The following RGL1 variants were observed in gnomAD, a reference collection of about 807,000 sequenced individuals.
RGL1 encodes ral guanine nucleotide dissociation stimulator-like 1.
A neutral mutation model predicts 95.2 loss-of-function variants in RGL1; 24 were observed. That is an observed-to-expected ratio of 0.25 (90% CI 0.18 to 0.35). RGL1 has a LOEUF of 0.35. RGL1 is among the 10% of genes least tolerant of loss of function. The pLI, the probability that RGL1 is intolerant of heterozygous loss-of-function variation, is 1.00. For synonymous variants in RGL1, 329 were observed against 344.9 expected (o/e 0.95, Z 0.51); for missense variants, 715 against 936.3 (o/e 0.76, Z 3.08).
chr1:183,772,731 C>T (rs933897518), intron 2 of RGL1, among the ~76,000 whole-genome samples: 1 of 152,032 alleles, frequency 6.6e-6, no homozygotes, highest in Admixed American at 6.5e-5. Flanking sequence ...CACTCTGGGC[C>T]GGGCGCGGTG....
chr1:183,838,322 C>T (rs1377128864), intron 2 of RGL1, among the ~76,000 whole-genome samples: 2 of 152,152 alleles, frequency 1.3e-5, no homozygotes, highest in Admixed American at 1.3e-4. Context: ...ACACAGCTTC[C>T]TGTTTCCTTC....
chr1:183,891,992 C>T, intron 8 of RGL1, 85 bp from the exon 9 acceptor site: 1 of 960,120 alleles, frequency 1.0e-6, no homozygotes. Context: ...CCTCCTTAGA[C>T]ATGAGTCCTG....
At chr1:183,792,826 C>A (rs754233293) in intron 2 of RGL1, among the ~76,000 whole-genome samples, 2 of 152,098 alleles carry the variant, frequency 1.3e-5, no homozygotes, top group Non-Finnish European at 2.9e-5. Context: ...GAAAGACATT[C>A]CATGCTCATG....
chr1:183,879,751 T>C (rs775723447), intron 4 of RGL1, among the ~76,000 whole-genome samples: 1 of 152,218 alleles, frequency 6.6e-6, no homozygotes, highest in Non-Finnish European at 1.5e-5. Context: ...CATAGAATAA[T>C]AGCATGCAAA....
chr1:183,748,330 C>T (rs1281408092), intron 2 of RGL1, among the ~76,000 whole-genome samples: 1 of 145,458 alleles, frequency 6.9e-6, no homozygotes, highest in East Asian at 2.0e-4. Context: ...CTGCTCTGAT[C>T]TTAGTTATTT....
At chr1:183,798,698 TCAC>T (rs1292582121) in intron 2 of RGL1, among the ~76,000 whole-genome samples, 2 of 151,994 alleles carry the variant, frequency 1.3e-5, no homozygotes, top group African/African-American at 4.8e-5. Context: ...CCTTTGACCA[TCAC>T]CACCACATTT....
At position 183,768,285 on chromosome 1, in the gene RGL1, A is replaced by G. The variant is rs963403253; in HGVS notation, c.132+25996A>G. Among the ~76,000 whole-genome samples, 13 of 152,172 alleles carry G rather than the reference A, an allele frequency of 8.5e-5. No individual in the cohort carries two copies. The East Asian group carries it at 2.5e-3, about 29-fold the overall frequency. ...TTTTAGGACAAAAATTTACCGTTCCAAGATTCTTTCTCATACAAAATTCTT... is the reference window on the plus strand; with the variant it reads ...TTTTAGGACAAAAATTTACCGTTCCGAGATTCTTTCTCATACAAAATTCTT... On this transcript the variant is annotated intron_variant, in intron 2 of 18. Coordinates refer to the RGL1 transcript ENST00000304685.
chr1:183,684,283 G>A (rs571865746), intron 1 of RGL1, among the ~76,000 whole-genome samples: 20 of 152,284 alleles, frequency 1.3e-4, no homozygotes, highest in African/African-American at 4.6e-4. Flanking sequence ...TTTTGTGCTG[G>A]TTTTTCCTCA....
chr1:183,734,949 A>T (rs1417242248), intron 1 of RGL1, among the ~76,000 whole-genome samples: 1 of 152,150 alleles, frequency 6.6e-6, no homozygotes, highest in Admixed American at 6.5e-5. Context: ...AGGGAGCCCA[A>T]CTGTTTTCCT....
intron 1 of RGL1, among the ~76,000 whole-genome samples, chr1:183,659,236 G>A (rs1212058474): frequency 1.3e-5 from 2 of 152,194 alleles, no homozygotes; most frequent in African/African-American, 4.8e-5. Context: ...AGAGAAGAAG[G>A]CTTCAGACGA....
At chr1:183,742,111 T>C in intron 1 of RGL1, 1 of 1,606,314 alleles carries the variant, frequency 6.2e-7, no homozygotes, top group Non-Finnish European at 8.5e-7. Context: ...GATCACACTT[T>C]ATTCTTCCAC....
intron 2 of RGL1, among the ~76,000 whole-genome samples, chr1:183,807,598 C>A (rs2102418490): frequency 6.6e-6 from 1 of 152,320 alleles, no homozygotes; most frequent in African/African-American, 2.4e-5. Flanking sequence ...TGGCCGGCAG[C>A]AATCACTTCC....
At chr1:183,692,680 C>A (rs1464400925) in intron 1 of RGL1, among the ~76,000 whole-genome samples, 2 of 152,122 alleles carry the variant, frequency 1.3e-5, no homozygotes, top group Non-Finnish European at 2.9e-5. Context: ...AACTCTCACT[C>A]TATAAACAAT....
intron 2 of RGL1, among the ~76,000 whole-genome samples, chr1:183,827,375 G>A (rs116839360): frequency 1.3e-5 from 2 of 152,294 alleles, no homozygotes; most frequent in Non-Finnish European, 2.9e-5. Flanking sequence ...TAACCCAAAG[G>A]TGTGGAGCTA....
chr1:183,846,378 CATGGGGG>C (rs763155181), intron 2 of RGL1, among the ~76,000 whole-genome samples: 274 of 151,252 alleles, frequency 1.8e-3, no homozygotes, highest in Non-Finnish European at 3.1e-3. Flanking sequence ...GAACGTCACA[CATGGGGG>C]CCTGTCGGGG....
intron 1 of RGL1, among the ~76,000 whole-genome samples, chr1:183,713,443 G>A (rs1234993188): frequency 7.2e-6 from 1 of 138,934 alleles, no homozygotes; most frequent in Non-Finnish European, 1.5e-5. Context: ...CCAGGATAAG[G>A]GATAAATTAG....
At position 183,927,440 on chromosome 1, in the gene RGL1, A is replaced by G. The variant is rs1669677541; in HGVS notation, c.*1148A>G. ...CCTGCTGATAACAGCATCCTATTTT[A>G]CTTACTTTTATAGCATTACTGTGCC... On this transcript the variant is annotated 3_prime_UTR_variant, in exon 18 of 18. Coordinates refer to ENST00000360851, the MANE Select transcript of RGL1 (RefSeq NM_001297671.3). The G allele has an allele frequency of 6.6e-6, 1 of 152,236 alleles. No individual in the cohort carries two copies. Among genetic ancestry groups the G allele is most frequent in the African/African-American group, 2.4e-5 (1 of 41,420 alleles). 9.4% of individuals were successfully genotyped at this position (152,236 alleles called of 1,614,324 possible). A position where few individuals can be genotyped will look rare whatever the true frequency, so the allele number is the denominator to read the frequency against.
At chr1:183,676,407 G>A (rs1652831943) in intron 1 of RGL1, among the ~76,000 whole-genome samples, 1 of 148,178 alleles carries the variant, frequency 6.7e-6, no homozygotes, top group South Asian at 2.2e-4. Flanking sequence ...CCATTCTCAT[G>A]CCCCATCAAG....
At chr1:183,746,821 G>A (rs748538499) in intron 2 of RGL1, among the ~76,000 whole-genome samples, 7 of 151,756 alleles carry the variant, frequency 4.6e-5, no homozygotes, top group Non-Finnish European at 7.4e-5. Flanking sequence ...AACAGGCCTA[G>A]GTGTGTGATG....
Sources: gnomAD v4.1 joint callset for allele counts (sites outside exome capture counted in the v4.1 genomes callset) on GRCh38, gnomAD v4.1.1 for gene constraint, MANE v1.5 for transcripts, NCBI Gene and HGNC (gene_info 2026-07-23, HGNC 2026-07-21) for gene names.